Variants in FHIT observed in about 807,000 individuals in gnomAD.
The protein encoded by FHIT is fragile histidine triad diadenosine triphosphatase.
FHIT carries 19 observed loss-of-function variants against 17.9 expected under a neutral mutation model. The observed-to-expected ratio is 1.06, with a 90% confidence interval of 0.74 to 1.56. The LOEUF (loss-of-function observed/expected upper bound fraction) is 1.56. Among genes scored for constraint, FHIT ranks in the 40% most tolerant of loss-of-function variants. FHIT has a pLI of 0.00. For synonymous variants in FHIT, 81 were observed against 69.7 expected, an observed-to-expected ratio of 1.16 and a Z score of -0.81; for missense variants, 248 against 189.2, an observed-to-expected ratio of 1.31 and a Z score of -1.82.
chr3:60,019,717 C>T (rs1180990004), intron 5 of FHIT, among the ~76,000 whole-genome samples: 1 of 152,114 alleles, frequency 6.6e-6, no homozygotes, highest in African/African-American at 2.4e-5. Flanking sequence ...CGTGCCCAGC[C>T]GAGATGGATC....
In FHIT at chr3:60,714,051, T is replaced by C. The variant is rs1553705929; in HGVS notation, c.-18+107868A>G. On this transcript the variant is annotated intron_variant, in intron 4 of 9. Coordinates refer to ENST00000492590, the MANE Select transcript of FHIT (RefSeq NM_002012.4). ...AATCCTCAATAAAATACTGGCAAACTGAATCCAGCAGCACAACAAAAAGCT... is the reference window on the plus strand; with the variant it reads ...AATCCTCAATAAAATACTGGCAAACCGAATCCAGCAGCACAACAAAAAGCT... Among the ~76,000 whole-genome samples, 6 of 152,208 alleles carry C rather than the reference T, an allele frequency of 3.9e-5. No homozygotes were observed. The South Asian group carries it at 6.2e-4, about 16-fold the overall frequency.
chr3:60,664,907 G>T (rs1056994541), intron 4 of FHIT, among the ~76,000 whole-genome samples: 2 of 151,708 alleles, frequency 1.3e-5, no homozygotes, highest in East Asian at 3.9e-4. Context: ...TTTTTTAGAA[G>T]AACCTGTTCT....
chr3:60,996,370 G>A (rs2030674410), intron 3 of FHIT, among the ~76,000 whole-genome samples: 1 of 152,112 alleles, frequency 6.6e-6, no homozygotes, highest in Admixed American at 6.6e-5. Context: ...TCTAAAGGTG[G>A]AATAAAATAT....
intron 2 of FHIT, among the ~76,000 whole-genome samples, chr3:61,133,281 G>T (rs1173168533): frequency 6.6e-6 from 1 of 152,090 alleles, no homozygotes; most frequent in East Asian, 1.9e-4. Flanking sequence ...ACCTCTTGAG[G>T]GTACAACCAT....
At chr3:61,217,900 A>G (rs1250443248) in intron 1 of FHIT, among the ~76,000 whole-genome samples, 2 of 152,260 alleles carry the variant, frequency 1.3e-5, no homozygotes, top group Non-Finnish European at 2.9e-5. Context: ...TTACAATTTT[A>G]TGACAGTTTC....
rs186789356 is a variant in FHIT at position 59,973,303 on chromosome 3, T to C, written c.279+38068A>G. On this transcript the variant is annotated intron_variant, in intron 7 of 9. Transcript: ENST00000492590. ...TCCTACCATATTAAAAATAGAGACTTGGATCCCAAACGAAGCCTAGAAGGC... is the reference window on the plus strand; with the variant it reads ...TCCTACCATATTAAAAATAGAGACTCGGATCCCAAACGAAGCCTAGAAGGC... Among the ~76,000 whole-genome samples the C allele has an allele frequency of 6.6e-5, 10 of 152,234 alleles. No homozygotes were observed. The East Asian group carries it at 1.9e-3, about 29-fold the overall frequency.
intron 3 of FHIT, among the ~76,000 whole-genome samples, chr3:60,935,373 G>A (rs966873726): frequency 6.6e-6 from 1 of 152,114 alleles, no homozygotes; most frequent in Admixed American, 6.5e-5. Flanking sequence ...ATGTTTAAAA[G>A]GGAAAACAGA....
intron 2 of FHIT, among the ~76,000 whole-genome samples, chr3:61,181,256 C>A (rs115972963): frequency 0.014 from 2,142 of 152,242 alleles, 56 homozygotes; most frequent in African/African-American, 0.049. Flanking sequence ...TTATATTTTT[C>A]CTGTCTCTTG....
intron 8 of FHIT, among the ~76,000 whole-genome samples, chr3:59,879,921 C>G (rs1377691783): frequency 3.3e-5 from 3 of 91,342 alleles, no homozygotes; most frequent in South Asian, 3.4e-4. Flanking sequence ...TTTCCCCCAC[C>G]CCCCCCCCCC....
chr3:60,377,519 G>A (rs1311619612), intron 5 of FHIT, among the ~76,000 whole-genome samples: 1 of 131,632 alleles, frequency 7.6e-6, no homozygotes, highest in Non-Finnish European at 1.6e-5. Flanking sequence ...CTGTCGCCCA[G>A]GCCGGACTGC....
At chr3:60,340,038 G>A (rs1041681210) in intron 5 of FHIT, among the ~76,000 whole-genome samples, 13 of 152,008 alleles carry the variant, frequency 8.6e-5, no homozygotes, top group African/African-American at 3.1e-4. Context: ...TCTGGCACAG[G>A]TTCTTCTGCC....
At chr3:61,097,013 A>G (rs2035660637) in intron 2 of FHIT, among the ~76,000 whole-genome samples, 1 of 140,788 alleles carries the variant, frequency 7.1e-6, no homozygotes, top group African/African-American at 2.6e-5. Context: ...TGGGAGGGGG[A>G]GGCTGCTGTG....
chr3:60,602,956 G>A (rs1171793314), intron 4 of FHIT, among the ~76,000 whole-genome samples: 3 of 152,134 alleles, frequency 2.0e-5, no homozygotes, highest in African/African-American at 7.2e-5. Context: ...AGACTTCCCA[G>A]TCTCTATAAC....
chr3:59,952,523 T>A (rs964462833), intron 7 of FHIT, among the ~76,000 whole-genome samples: 2 of 152,182 alleles, frequency 1.3e-5, no homozygotes, highest in Admixed American at 6.5e-5. Flanking sequence ...GGCATGGCCT[T>A]TCAATGATCT....
chr3:60,597,421 G>A (rs990038941), intron 4 of FHIT, among the ~76,000 whole-genome samples: 26 of 152,156 alleles, frequency 1.7e-4, no homozygotes, highest in African/African-American at 6.0e-4. Flanking sequence ...CTTTCTTCTT[G>A]CACCTAGAAA....
At chr3:59,885,163 C>G in intron 8 of FHIT, among the ~76,000 whole-genome samples, 1 of 152,180 alleles carries the variant, frequency 6.6e-6, no homozygotes, top group East Asian at 1.9e-4. Flanking sequence ...CTATTAGGAT[C>G]ATTTGGTAGC....
intron 4 of FHIT, among the ~76,000 whole-genome samples, chr3:60,582,428 T>C (rs536907980): frequency 4.6e-5 from 7 of 152,072 alleles, no homozygotes; most frequent in Non-Finnish European, 1.0e-4. Flanking sequence ...TATAAAACAT[T>C]TGTAGATAGT....
chr3:60,662,654 A>G (rs1433962441), intron 4 of FHIT, among the ~76,000 whole-genome samples: 3 of 152,168 alleles, frequency 2.0e-5, no homozygotes, highest in African/African-American at 7.2e-5. Flanking sequence ...AGGCATTTTC[A>G]CAATATTGAT....
chr3:61,194,149 G>A (rs1196517832), intron 2 of FHIT, among the ~76,000 whole-genome samples: 1 of 152,132 alleles, frequency 6.6e-6, no homozygotes, highest in African/African-American at 2.4e-5. Context: ...GGCCTCTATG[G>A]AATGAGGATC....
Sources: allele counts gnomAD v4.1 joint callset (sites outside exome capture counted in the v4.1 genomes callset), GRCh38; gene constraint gnomAD v4.1.1; transcripts MANE v1.5; gene names NCBI Gene and HGNC (gene_info 2026-07-23, HGNC 2026-07-21).